The following SLC25A13 variants were observed in gnomAD, a reference collection of about 807,000 sequenced individuals.
SLC25A13 encodes the protein electrogenic aspartate/glutamate antiporter SLC25A13, mitochondrial.
Under a neutral mutation model 85.5 loss-of-function variants are expected in SLC25A13, and 70 were observed. The ratio of observed to expected loss-of-function variants is 0.82; its 90% CI spans 0.68 to 1.00. The LOEUF is 1.00. SLC25A13 is among the 50% of genes least tolerant of loss of function. The pLI is 0.00. For missense variants in SLC25A13, 765 were observed against 819.8 expected (o/e 0.93, Z 0.82); for synonymous variants, 259 against 288.7 (o/e 0.90, Z 1.04).
intron 3 of SLC25A13, among the ~76,000 whole-genome samples, chr7:96,251,437 G>A (rs898543506): frequency 7.9e-5 from 12 of 152,206 alleles, no homozygotes; most frequent in African/African-American, 2.9e-4. Context: ...CACTCTGGCT[G>A]CACAAGAAGA....
rs528012826 is a variant in SLC25A13, at chr7:96,166,500, C to A, written c.1311+3545G>T. On this transcript the variant is annotated intron_variant, in intron 13 of 17. Coordinates refer to ENST00000265631, the MANE Select transcript of SLC25A13 (RefSeq NM_014251.3). ...TTCCTTGAAACTAGTCATTGCACCA[C>A]TTGTATTTCTTATCTGGTGACTTTT... Among the ~76,000 whole-genome samples the A allele has an allele frequency of 7.2e-5, 11 of 152,104 alleles. No individual in the cohort carries two copies. The South Asian group carries it at 2.1e-3, about 29-fold the overall frequency.
intron 14 of SLC25A13, among the ~76,000 whole-genome samples, chr7:96,140,737 C>T (rs1181730498): frequency 6.6e-6 from 1 of 151,430 alleles, no homozygotes; most frequent in Non-Finnish European, 1.5e-5. Context: ...CACAACCTCA[C>T]CATTGCTTAT....
In SLC25A13 at chr7:96,146,423, T is replaced by A. The variant is rs1792791201; in HGVS notation, c.1452+133A>T. The stretch of plus-strand genomic sequence containing the variant: ...TCCTTCTAATTGGCATGAAGGTGCC[T>A]CTGCAGCTTGGGTAGAACATCTTCT... On this transcript the variant is annotated intron_variant, in intron 14 of 17. Coordinates refer to ENST00000265631, the MANE Select transcript of SLC25A13 (RefSeq NM_014251.3). The A allele has an allele frequency of 3.4e-6, 4 of 1,184,840 alleles. No homozygotes were observed. In the South Asian group the frequency reaches 4.2e-5, roughly 12 times the overall value. 73.4% of individuals were successfully genotyped at this position (1,184,840 alleles called of 1,614,324 possible).
chr7:96,247,057 A>AT (rs1355776347), intron 3 of SLC25A13, among the ~76,000 whole-genome samples: 1 of 152,156 alleles, frequency 6.6e-6, no homozygotes, highest in African/African-American at 2.4e-5. Flanking sequence ...CTGAGCAGTA[A>AT]TTTTTCACAG....
At chr7:96,227,636 A>G (rs1390324597) in intron 4 of SLC25A13, among the ~76,000 whole-genome samples, 5 of 152,248 alleles carry the variant, frequency 3.3e-5, no homozygotes, top group Non-Finnish European at 7.3e-5. Context: ...TTATGATAGT[A>G]GTACCACTGC....
intron 9 of SLC25A13, among the ~76,000 whole-genome samples, chr7:96,187,560 T>C (rs1483129427): frequency 6.6e-6 from 1 of 152,214 alleles, no homozygotes; most frequent in African/African-American, 2.4e-5. Context: ...TATGCAATAC[T>C]TAGAAATGTT....
chr7:96,221,123 A>AT lies in SLC25A13; in HGVS notation c.329-12147dup, dbSNP rs202227693. Among the ~76,000 whole-genome samples the AT allele has an allele frequency of 9.0e-3, 1,371 of 152,332 alleles. 22 individuals are homozygous for AT. The highest frequency in any genetic ancestry group is 7.5e-3 in the Non-Finnish European group (507 of 68,014). ...ACTACTATCTTTCAAAATTGAAGCC[A>AT]TTATGGTCAATCGTGCAAATCCGTA... On this transcript the variant is annotated intron_variant, in intron 4 of 17. Transcript: ENST00000265631.
chr7:96,309,779 A>C (rs1350484648), intron 1 of SLC25A13: 1 of 152,238 alleles, frequency 6.6e-6, no homozygotes, highest in African/African-American at 2.4e-5. Flanking sequence ...TTTTTAAATG[A>C]TTCAATAACT....
intron 2 of SLC25A13, chr7:96,283,740 GC>G: frequency 4.4e-6 from 1 of 229,046 alleles, no homozygotes; most frequent in Non-Finnish European, 8.5e-6. Context: ...ACGCAGAGAA[GC>G]ACACTTTGTG....
At chr7:96,200,046 G>A (rs951472230) in intron 5 of SLC25A13, among the ~76,000 whole-genome samples, 1 of 151,832 alleles carries the variant, frequency 6.6e-6, no homozygotes, top group Admixed American at 6.6e-5. Context: ...AAAACAAGCA[G>A]GAGAGCCAGG....
intron 1 of SLC25A13, among the ~76,000 whole-genome samples, chr7:96,308,230 T>G (rs2117019699): frequency 6.6e-6 from 1 of 151,342 alleles, no homozygotes. Context: ...CTGCTAAAAG[T>G]AAGAGAATAG....
At chr7:96,279,852 G>C (rs768748481) in intron 2 of SLC25A13, among the ~76,000 whole-genome samples, 7 of 151,962 alleles carry the variant, frequency 4.6e-5, no homozygotes, top group Non-Finnish European at 8.8e-5. Flanking sequence ...TTAATCTCTT[G>C]GTTGTCCCAC....
chr7:96,149,943 C>T (rs563135630), intron 13 of SLC25A13, among the ~76,000 whole-genome samples: 1 of 152,284 alleles, frequency 6.6e-6, no homozygotes, highest in South Asian at 2.1e-4. Flanking sequence ...CTTGAAAGCT[C>T]TGGCTGTGTG....
chr7:96,147,330 A>AATTG (rs1792850151), intron 13 of SLC25A13, among the ~76,000 whole-genome samples: 1 of 152,202 alleles, frequency 6.6e-6, no homozygotes, highest in Admixed American at 6.5e-5. Flanking sequence ...TTGTGTACAG[A>AATTG]ATTGCTCTTT....
At chr7:96,146,844 G>A in intron 13 of SLC25A13, 148 bp from the exon 14 acceptor site, 1 of 970,086 alleles carries the variant, frequency 1.0e-6, no homozygotes, top group East Asian at 2.5e-5. Context: ...AAACGGTTAG[G>A]GATTACAAGT....
chr7:96,200,729 C>T (rs751056332), intron 5 of SLC25A13, among the ~76,000 whole-genome samples: 1 of 152,156 alleles, frequency 6.6e-6, no homozygotes, highest in Non-Finnish European at 1.5e-5. Context: ...CCTTGCTCTT[C>T]TAATTTAACG....
At chr7:96,281,807 A>C (rs184663248) in intron 2 of SLC25A13, among the ~76,000 whole-genome samples, 1 of 152,332 alleles carries the variant, frequency 6.6e-6, no homozygotes, top group Admixed American at 6.5e-5. Context: ...TAATCTGGGC[A>C]CAGAAATAGT....
In SLC25A13 at chr7:96,120,890, T is replaced by C; in HGVS notation, c.*301A>G. On this transcript the variant is annotated 3_prime_UTR_variant, in exon 18 of 18. Transcript: ENST00000265631. ...AATCCTAGTTCAAGGAGGGGAGTAC[T>C]AATTTCTATTCTGACTTGCTCCTTT... is the stretch of plus-strand genomic sequence containing the variant. 7.8e-6 allele frequency: 4 copies of C among 515,958 alleles called. No individual in the cohort carries two copies. Among genetic ancestry groups the C allele is most frequent in the South Asian group, 6.1e-5 (4 of 65,044 alleles). The allele number at this position is 515,958 out of a possible 1,614,324, so 32.0% of individuals were successfully genotyped here.
chr7:96,278,324 G>A (rs1798537787), intron 2 of SLC25A13, among the ~76,000 whole-genome samples: 2 of 152,204 alleles, frequency 1.3e-5, no homozygotes, highest in South Asian at 2.1e-4. Flanking sequence ...CCATAGTGAT[G>A]GAGGGTGCGC....
Sources: gnomAD v4.1 joint callset for allele counts (sites outside exome capture counted in the v4.1 genomes callset) on GRCh38, gnomAD v4.1.1 for gene constraint, MANE v1.5 for transcripts, NCBI Gene and HGNC (gene_info 2026-07-23, HGNC 2026-07-21) for gene names.